Variants in TMPRSS6 observed in about 807,000 individuals in gnomAD.
TMPRSS6 encodes transmembrane protease serine 6.
A neutral mutation model predicts 101.5 loss-of-function variants in TMPRSS6; 67 were observed. That is an observed-to-expected ratio of 0.66 (90% CI 0.54 to 0.81). TMPRSS6 has a LOEUF of 0.81. Among genes scored for constraint, TMPRSS6 ranks in the 30% least tolerant of loss-of-function variants. The pLI is 0.00. For synonymous variants in TMPRSS6, 453 were observed against 464.9 expected, an observed-to-expected ratio of 0.97 and a Z score of 0.33; for missense variants, 1,034 against 1,088.7, an observed-to-expected ratio of 0.95 and a Z score of 0.71.
At position 37,101,741 on chromosome 22, in the gene TMPRSS6, A is replaced by G. The variant is rs1930328420; in HGVS notation, c.202+1475T>C. 6.6e-6 allele frequency among the ~76,000 whole-genome samples: 1 copy of G among 152,172 alleles called. No individual in the cohort carries two copies. Among genetic ancestry groups the G allele is most frequent in the Non-Finnish European group, 1.5e-5 (1 of 68,008 alleles). Reference sequence around the variant, plus strand: ...CCTGGGGTGGGGGGTGATTTACCCCAGGAGCATAATCAGGGGGAATTAAAC... The same window carrying G: ...CCTGGGGTGGGGGGTGATTTACCCCGGGAGCATAATCAGGGGGAATTAAAC... On this transcript the variant is annotated intron_variant, in intron 2 of 17. Coordinates refer to ENST00000676104, the MANE Select transcript of TMPRSS6 (RefSeq NM_001374504.1). The surrounding 1 kb of genome is among the most constrained non-coding windows in gnomAD (Gnocchi z 4.1).
At chr22:37,091,693 A>G (rs909897340) in intron 6 of TMPRSS6, among the ~76,000 whole-genome samples, 6 of 152,140 alleles carry the variant, frequency 3.9e-5, no homozygotes, top group African/African-American at 7.2e-5. Flanking sequence ...CAGATTATCA[A>G]CCTCAGACTC....
chr22:37,084,695 A>G, intron 9 of TMPRSS6, 32 bp downstream of exon 9: 1 of 1,521,378 alleles, frequency 6.6e-7, no homozygotes, highest in South Asian at 1.2e-5. Flanking sequence ...CTTGCGGCAG[A>G]GGGCAGGTGG....
chr22:37,087,702 G>A (rs957200803), intron 7 of TMPRSS6, among the ~76,000 whole-genome samples: 5 of 151,870 alleles, frequency 3.3e-5, no homozygotes, highest in Admixed American at 2.0e-4. Flanking sequence ...ATACAGCCAC[G>A]TCCTTTTTGG....
chr22:37,096,468 T>C (rs926724242), intron 4 of TMPRSS6, among the ~76,000 whole-genome samples, 180 bp downstream of exon 4: 3 of 152,152 alleles, frequency 2.0e-5, no homozygotes, highest in Non-Finnish European at 4.4e-5. Context: ...CACCCATGTT[T>C]CCATTCTACA....
intron 8 of TMPRSS6, among the ~76,000 whole-genome samples, chr22:37,086,068 T>C (rs1424889494): frequency 7.8e-6 from 1 of 128,120 alleles, no homozygotes; most frequent in Non-Finnish European, 1.6e-5. Context: ...CTGCGAATGG[T>C]AGGACGGTCA....
Position 37,084,400 on chromosome 22 carries a change from G to A in TMPRSS6, c.1091C>T (p.Pro364Leu). The change falls in exon 10 of 18, where the codon CCC (proline) becomes CTC (leucine). Residue 364 changes from proline to leucine, a missense_variant. Coordinates refer to ENST00000676104, the MANE Select transcript of TMPRSS6 (RefSeq NM_001374504.1). ...GAGGGCCAAGCCGTAGTCCAGAGAG[G>A]GCACCTGGGAGGGAGGAGCGGGCCA... ...QTHCSWHLTV[P>L]SLDYGLALWF... 6.2e-7 allele frequency: 1 copy of A among 1,611,434 alleles called. No individual in the cohort carries two copies. Among genetic ancestry groups the A allele is most frequent in the Non-Finnish European group, 8.5e-7 (1 of 1,178,752 alleles).
At chr22:37,081,542 C>A (rs56270606) in intron 10 of TMPRSS6, among the ~76,000 whole-genome samples, 1 of 152,024 alleles carries the variant, frequency 6.6e-6, no homozygotes, top group Non-Finnish European at 1.5e-5. Context: ...CTGAACCCCT[C>A]GTTTCACAGA....
chr22:37,089,551 C>A (rs777188226), intron 7 of TMPRSS6, 27 bp downstream of exon 7: 2 of 1,415,266 alleles, frequency 1.4e-6, no homozygotes, highest in South Asian at 2.4e-5. Context: ...CCAGCCCTCC[C>A]TCCTGCCCTC....
chr22:37,068,841 T>A (rs968529680), intron 16 of TMPRSS6, among the ~76,000 whole-genome samples: 1 of 152,124 alleles, frequency 6.6e-6, no homozygotes, highest in Non-Finnish European at 1.5e-5. Flanking sequence ...GCCCCACACA[T>A]AACGCCCTTC....
Position 37,065,827 on chromosome 22 carries a change from G to C in TMPRSS6, c.*253C>G. 1 of 564,874 alleles carries C rather than the reference G, an allele frequency of 1.8e-6. No individual in the cohort carries two copies. The highest frequency in any genetic ancestry group is 3.2e-6 in the Non-Finnish European group (1 of 313,684). The allele number at this position is 564,874 out of a possible 1,614,324, so 35.0% of individuals were successfully genotyped here. On this transcript the variant is annotated 3_prime_UTR_variant, in exon 18 of 18. Coordinates refer to ENST00000676104, the MANE Select transcript of TMPRSS6 (RefSeq NM_001374504.1). ...GTGGAGGAAGGGGACGGAGGAGAGAGAATTGGGAGGCAGAAGGGCTGGGTG... is the reference window on the plus strand; with the variant it reads ...GTGGAGGAAGGGGACGGAGGAGAGACAATTGGGAGGCAGAAGGGCTGGGTG...
intron 1 of TMPRSS6, among the ~76,000 whole-genome samples, chr22:37,105,784 C>T (rs1191034390): frequency 6.6e-6 from 1 of 152,240 alleles, no homozygotes; most frequent in Non-Finnish European, 1.5e-5. Context: ...ATCCTCCCAC[C>T]TCAGCCTCCC....
intron 2 of TMPRSS6, 116 bp from the exon 3 acceptor site, chr22:37,098,665 T>C (rs1312972386): frequency 1.5e-6 from 2 of 1,352,412 alleles, no homozygotes; most frequent in Non-Finnish European, 2.1e-6. Context: ...GTCTTGGGTC[T>C]CCATGGCACC....
chr22:37,072,796 T>TGATG (rs1301860217), intron 13 of TMPRSS6, among the ~76,000 whole-genome samples: 5 of 131,772 alleles, frequency 3.8e-5, no homozygotes, highest in Non-Finnish European at 8.0e-5. Context: ...GACGGATGGA[T>TGATG]GATGGATGGA....
chr22:37,075,689 A>G (rs1432612647), intron 10 of TMPRSS6, among the ~76,000 whole-genome samples: 1 of 152,160 alleles, frequency 6.6e-6, no homozygotes, highest in African/African-American at 2.4e-5. Context: ...GATCACCTGA[A>G]GTCGGGAGTT....
chr22:37,103,385 G>T lies in TMPRSS6; in HGVS notation c.33C>A (p.Gly11=), dbSNP rs560232466. The T allele has an allele frequency of 3.7e-6, 6 of 1,614,152 alleles. No individual in the cohort carries two copies. The East Asian group carries it at 6.7e-5, about 18-fold the overall frequency. Residue 11 remains glycine, a synonymous_variant, in exon 2 of 18, where the codon GGC becomes GGA. Coordinates refer to ENST00000676104, the MANE Select transcript of TMPRSS6 (RefSeq NM_001374504.1). The surrounding 1 kb of genome is among the most constrained non-coding windows in gnomAD (Gnocchi z 4.4). MPVAEAPQVA[G]GQGDGGDGEE... is the part of the protein sequence containing the mutation. The stretch of plus-strand genomic sequence containing the variant: ...CGCCATCACCTCCGTCCCCCTGCCC[G>T]CCAGCCACCTGGGGGGCCTCGGCCA...
intron 10 of TMPRSS6, among the ~76,000 whole-genome samples, chr22:37,083,743 A>G (rs989645231): frequency 6.6e-6 from 1 of 152,234 alleles, no homozygotes; most frequent in African/African-American, 2.4e-5. Context: ...CTTAGTTACC[A>G]GAGGGAGCAA....
chr22:37,084,269 G>A, intron 10 of TMPRSS6, 26 bp downstream of exon 10: 1 of 1,587,998 alleles, frequency 6.3e-7, no homozygotes, highest in Non-Finnish European at 8.6e-7. Flanking sequence ...AGGAAAGGAA[G>A]CCAGAGGGAG....
intron 10 of TMPRSS6, among the ~76,000 whole-genome samples, chr22:37,077,168 C>T (rs1927749637): frequency 6.6e-6 from 1 of 152,168 alleles, no homozygotes; most frequent in South Asian, 2.1e-4. Flanking sequence ...AGCAGCACCT[C>T]CACCCAGGGA....
intron 7 of TMPRSS6, 69 bp downstream of exon 7, chr22:37,089,507 TGA>T: frequency 7.0e-7 from 1 of 1,434,436 alleles, no homozygotes; most frequent in South Asian, 1.2e-5. Flanking sequence ...ATGCTGTGTG[TGA>T]CTTTCAACTC....
Sources: allele counts gnomAD v4.1 joint callset (sites outside exome capture counted in the v4.1 genomes callset), GRCh38; gene constraint gnomAD v4.1.1; non-coding constraint Gnocchi (gnomAD v3.1); transcripts MANE v1.5; gene names NCBI Gene and HGNC (gene_info 2026-07-23, HGNC 2026-07-21).